SYT13: variants seen among roughly 807,000 people sequenced by gnomAD.
SYT13 encodes synaptotagmin-13.
A neutral mutation model predicts 38.6 loss-of-function variants in SYT13; 21 were observed. The ratio of observed to expected loss-of-function variants is 0.54; its 90% confidence interval spans 0.39 to 0.78. The LOEUF is 0.78. Ranked by LOEUF, SYT13 falls within the 30% of genes least tolerant of loss-of-function variation. SYT13 has a pLI of 0.00. For missense variants in SYT13, 495 were observed against 548.7 expected (o/e 0.90, Z 0.98); for synonymous variants, 241 against 237.6 (o/e 1.01, Z -0.13).
At chr11:45,248,713 G>A (rs931820236) in intron 4 of SYT13, among the ~76,000 whole-genome samples, 1 of 152,212 alleles carries the variant, frequency 6.6e-6, no homozygotes, top group African/African-American at 2.4e-5. Context: ...AGGGCCACAG[G>A]TAGCCCGGGC....
At position 45,241,665 on chromosome 11, in the gene SYT13, G is replaced by A. The variant is rs1854553580; in HGVS notation, c.*2387C>T. Reference sequence around the variant, plus strand: ...AGGCAGCTGCACAGATTTATAAGGAGCCATGTTTCCTGATTTTTGGTCTAG... The same window carrying A: ...AGGCAGCTGCACAGATTTATAAGGAACCATGTTTCCTGATTTTTGGTCTAG... On this transcript the variant is annotated 3_prime_UTR_variant, in exon 6 of 6. Transcript: ENST00000020926. 6.6e-6 allele frequency: 1 copy of A among 152,156 alleles called. No individual in the cohort carries two copies. The highest frequency in any genetic ancestry group is 6.5e-5 in the Admixed American group (1 of 15,278). 9.4% of individuals were successfully genotyped at this position (152,156 alleles called of 1,614,324 possible).
At chr11:45,279,456 A>G (rs1451335401) in intron 1 of SYT13, among the ~76,000 whole-genome samples, 1 of 152,108 alleles carries the variant, frequency 6.6e-6, no homozygotes, top group Non-Finnish European at 1.5e-5. Context: ...GTACGGTGGC[A>G]CATGACTGTA....
Position 45,243,686 on chromosome 11 carries a change from A to C in SYT13, c.*366T>G, listed in dbSNP as rs1439821103. On this transcript the variant is annotated 3_prime_UTR_variant, in exon 6 of 6. Transcript: ENST00000020926. ...GATCCAGGATACTTTCACTTCCTTC[A>C]TCATTTTTGAAATGCTTGTTTTTCA... 1.1e-5 allele frequency: 2 copies of C among 183,012 alleles called. No individual in the cohort carries two copies. The highest frequency in any genetic ancestry group is 1.7e-4 in the South Asian group (1 of 5,932). The allele number at this position is 183,012 out of a possible 1,614,324, so 11.3% of individuals were successfully genotyped here.
intron 1 of SYT13, among the ~76,000 whole-genome samples, chr11:45,278,069 CT>C (rs1333795507): frequency 1.3e-5 from 2 of 152,176 alleles, no homozygotes; most frequent in Admixed American, 1.3e-4. Flanking sequence ...ACCTGTTTTC[CT>C]TTATAACTCT....
chr11:45,253,784 A>G (rs1854706807), intron 3 of SYT13: 1 of 152,432 alleles, frequency 6.6e-6, no homozygotes, highest in Admixed American at 6.5e-5. Flanking sequence ...CCCCAAACTC[A>G]TTGCCTTTCC....
At chr11:45,272,321 T>C (rs1854959338) in intron 1 of SYT13, among the ~76,000 whole-genome samples, 1 of 152,146 alleles carries the variant, frequency 6.6e-6, no homozygotes, top group South Asian at 2.1e-4. Context: ...CCTGCGCATG[T>C]ATCCCAGAAA....
At position 45,241,884 on chromosome 11, in the gene SYT13, G is replaced by T. The variant is rs1854556024; in HGVS notation, c.*2168C>A. ...GCTTTGCCTACACAACACTTGGCAG[G>T]GGCTGGCCAACCTCAGTGATGAAGG... is the stretch of plus-strand genomic sequence containing the variant. On this transcript the variant is annotated 3_prime_UTR_variant, in exon 6 of 6. Coordinates refer to ENST00000020926, the MANE Select transcript of SYT13 (RefSeq NM_020826.3). 6.6e-6 allele frequency: 1 copy of T among 152,172 alleles called. No individual in the cohort carries two copies. Among genetic ancestry groups the T allele is most frequent in the Admixed American group, 6.5e-5 (1 of 15,282 alleles). 9.4% of individuals were successfully genotyped at this position (152,172 alleles called of 1,614,324 possible).
At chr11:45,265,446 C>T (rs182139504) in intron 1 of SYT13, among the ~76,000 whole-genome samples, 1 of 152,328 alleles carries the variant, frequency 6.6e-6, no homozygotes, top group Non-Finnish European at 1.5e-5. Flanking sequence ...AACATCAACC[C>T]CTATCTCAGT....
At chr11:45,251,476 G>A (rs1262702751) in intron 4 of SYT13, among the ~76,000 whole-genome samples, 1 of 151,418 alleles carries the variant, frequency 6.6e-6, no homozygotes, top group African/African-American at 2.4e-5. Flanking sequence ...TTCTGGAAAG[G>A]GGCTAATATA....
In SYT13 at chr11:45,252,584, G is replaced by A. The variant is rs754215998; in HGVS notation, c.683C>T (p.Pro228Leu). 1 of 1,614,134 alleles carries A rather than the reference G, an allele frequency of 6.2e-7. No individual in the cohort carries two copies. The highest frequency in any genetic ancestry group is 8.5e-7 in the Non-Finnish European group (1 of 1,180,028). Residue 228 changes from proline (P) to leucine (L), a missense_variant, in exon 4 of 6, where the codon CCC becomes CTC. Physicochemically the swap from Pro to Leu is moderately conservative, Grantham distance 98. Transcript: ENST00000020926. The surrounding 1 kb of genome is among the most constrained non-coding windows in gnomAD (Gnocchi z 4.3). Reference sequence around the variant, plus strand: ...TGTGGGGAGCTCCTCCTCCGCCAGGGGGAGCACCAGGCCCTCCTCCCAGGT... The same window carrying A: ...TGTGGGGAGCTCCTCCTCCGCCAGGAGGAGCACCAGGCCCTCCTCCCAGGT... ...HTTWEEGLVL[P>L]LAEEELPTAT...
At chr11:45,274,142 A>G (rs1854982538) in intron 1 of SYT13, among the ~76,000 whole-genome samples, 2 of 152,230 alleles carry the variant, frequency 1.3e-5, no homozygotes, top group African/African-American at 2.4e-5. Flanking sequence ...TGATTATAAA[A>G]GTGAACATTT....
intron 1 of SYT13, among the ~76,000 whole-genome samples, chr11:45,268,137 C>A (rs967207867): frequency 6.6e-6 from 1 of 152,132 alleles, no homozygotes; most frequent in East Asian, 1.9e-4. Context: ...CCTCCCAACC[C>A]GGCCAGGATG....
chr11:45,283,179 A>C (rs1013694304), intron 1 of SYT13, among the ~76,000 whole-genome samples: 1 of 152,140 alleles, frequency 6.6e-6, no homozygotes, highest in Non-Finnish European at 1.5e-5. Flanking sequence ...GAAAACTCCA[A>C]ATTTCTTTTC....
In SYT13 at chr11:45,255,741, C is replaced by A; in HGVS notation, c.334G>T (p.Ala112Ser). The A allele has an allele frequency of 2.5e-6, 4 of 1,614,138 alleles. No individual in the cohort carries two copies. The highest frequency in any genetic ancestry group is 2.7e-5 in the African/African-American group (2 of 75,034). The change falls in exon 2 of 6, where the codon GCC becomes TCC. Residue 112 changes from alanine to serine, a missense_variant. Ala to Ser is a moderately conservative substitution (Grantham distance 99). Transcript: ENST00000020926. The part of the protein sequence containing the change: ...LRSTEEPTAP[A>S]SPQPPNDSRL... ...CTGTCATTCGGGGGTTGGGGGCTGG[C>A]AGGTGCAGTGGGCTCCTCCGTAGAC...
chr11:45,281,033 A>G (rs945868126), intron 1 of SYT13, among the ~76,000 whole-genome samples: 2 of 152,082 alleles, frequency 1.3e-5, no homozygotes, highest in African/African-American at 4.8e-5. Flanking sequence ...CATCTCTACT[A>G]AAAATACAAA....
chr11:45,256,208 C>G (rs905812483), intron 1 of SYT13, among the ~76,000 whole-genome samples: 1 of 152,148 alleles, frequency 6.6e-6, no homozygotes, highest in Non-Finnish European at 1.5e-5. Flanking sequence ...ATCTGCTCCC[C>G]TTGCCTCTTC....
chr11:45,284,878 T>A (rs1855115481), intron 1 of SYT13, among the ~76,000 whole-genome samples: 1 of 152,224 alleles, frequency 6.6e-6, no homozygotes, highest in Non-Finnish European at 1.5e-5. Context: ...AATGTCACTG[T>A]TCTTGGATTA....
chr11:45,262,151 G>A (rs1317431385), intron 1 of SYT13, among the ~76,000 whole-genome samples: 1 of 152,146 alleles, frequency 6.6e-6, no homozygotes, highest in African/African-American at 2.4e-5. Flanking sequence ...AAGAAGGAAT[G>A]TTCTGACACA....
At chr11:45,264,147 TA>T (rs1854853594) in intron 1 of SYT13, among the ~76,000 whole-genome samples, 1 of 152,146 alleles carries the variant, frequency 6.6e-6, no homozygotes, top group African/African-American at 2.4e-5. Context: ...TAAACTAAGC[TA>T]AACTGGATCC....
Sources: allele counts gnomAD v4.1 joint callset (sites outside exome capture counted in the v4.1 genomes callset), GRCh38; gene constraint gnomAD v4.1.1; non-coding constraint Gnocchi (gnomAD v3.1); transcripts MANE v1.5; gene names NCBI Gene and HGNC (gene_info 2026-07-23, HGNC 2026-07-21).